The following INSYN2A variants were observed in gnomAD, a reference collection of about 807,000 sequenced individuals.
The protein encoded by INSYN2A is family with sequence similarity 196 member A.
In INSYN2A, 17 loss-of-function variants were observed where a neutral mutation model predicts 39.4. That is an observed-to-expected ratio of 0.43 (90% CI 0.30 to 0.65). The LOEUF (loss-of-function observed/expected upper bound fraction) is 0.65, where lower values mean the gene tolerates loss of function less well. Ranked by LOEUF, INSYN2A falls within the 30% of genes least tolerant of loss-of-function variation. The pLI, the probability that INSYN2A is intolerant of heterozygous loss-of-function variation, is 0.14. For missense variants in INSYN2A, 595 were observed against 631.2 expected (o/e 0.94, Z 0.61); for synonymous variants, 255 against 265.7 (o/e 0.96, Z 0.39).
At chr10:127,169,749 C>T (rs1370285139) in intron 4 of INSYN2A, among the ~76,000 whole-genome samples, 2 of 152,122 alleles carry the variant, frequency 1.3e-5, no homozygotes, top group East Asian at 3.9e-4. Context: ...GACCCTGAGC[C>T]CCTGCAGTAA....
Position 127,175,145 on chromosome 10 carries a change from G to C in INSYN2A, c.1184+67C>G, listed in dbSNP as rs769451942. ...TAGTCTCATTACAGACTTGGGTTTGGGGCTACAGATGGACTCTGTGGTGAT... is the reference window on the plus strand; with the variant it reads ...TAGTCTCATTACAGACTTGGGTTTGCGGCTACAGATGGACTCTGTGGTGAT... On this transcript the variant is annotated intron_variant, in intron 4 of 5. Transcript: ENST00000522781. The surrounding 1 kb of genome is among the most constrained non-coding windows in gnomAD (Gnocchi z 6.3). 31 of 1,364,144 alleles carry C rather than the reference G, an allele frequency of 2.3e-5. No homozygotes were observed. The highest frequency in any genetic ancestry group is 3.2e-5 in the Non-Finnish European group (31 of 981,782). 84.5% of individuals were successfully genotyped at this position (1,364,144 alleles called of 1,614,324 possible).
At chr10:127,181,614 C>T in intron 2 of INSYN2A, among the ~76,000 whole-genome samples, 1 of 152,146 alleles carries the variant, frequency 6.6e-6, no homozygotes, top group East Asian at 1.9e-4. Context: ...ACCTTGGAGT[C>T]AAAGATGCTG....
At chr10:127,153,489 G>A (rs1006680274) in intron 5 of INSYN2A, among the ~76,000 whole-genome samples, 2 of 152,102 alleles carry the variant, frequency 1.3e-5, no homozygotes, top group Admixed American at 6.5e-5. Flanking sequence ...TAGCACATAC[G>A]GTGTGCTTTC....
At chr10:127,170,155 T>G (rs772146446) in intron 4 of INSYN2A, among the ~76,000 whole-genome samples, 2 of 152,124 alleles carry the variant, frequency 1.3e-5, no homozygotes, top group Non-Finnish European at 2.9e-5. Context: ...GATAAATGAC[T>G]GGGTTTGCCA....
At position 127,148,350 on chromosome 10, in the gene INSYN2A, A is replaced by G. The variant is rs556046358; in HGVS notation, c.1256+5502T>C. ...TGCAACTGATGGTAGGAATTCTACC[A>G]CTTGACGAGAAGATTCTAAATTCTG... is the stretch of plus-strand genomic sequence containing the variant. On this transcript the variant is annotated intron_variant, in intron 5 of 5. Coordinates refer to ENST00000522781, the MANE Select transcript of INSYN2A (RefSeq NM_001039762.3). Among the ~76,000 whole-genome samples the G allele has an allele frequency of 2.6e-5, 4 of 152,338 alleles. No individual in the cohort carries two copies. In the South Asian group the frequency reaches 8.3e-4, roughly 32 times the overall value.
intron 2 of INSYN2A, among the ~76,000 whole-genome samples, chr10:127,181,094 A>T (rs1023696385): frequency 6.6e-6 from 1 of 152,192 alleles, no homozygotes; most frequent in Non-Finnish European, 1.5e-5. Context: ...GGCTATAAGT[A>T]ATTTGTCAAA....
In INSYN2A at chr10:127,153,875, C is replaced by T; in HGVS notation, c.1233G>A (p.Arg411=). ...GQDTANCDTC[R]NSACIIYSVE... ...ACCTATAGATAATACATGCACTGTTCCTGCATGTGTCACAATTAGCTGTGT... is the reference window on the plus strand; with the variant it reads ...ACCTATAGATAATACATGCACTGTTTCTGCATGTGTCACAATTAGCTGTGT... The change falls in exon 5 of 6, where the codon AGG becomes AGA. Residue 411 remains arginine, a synonymous_variant. Coordinates refer to ENST00000522781, the MANE Select transcript of INSYN2A (RefSeq NM_001039762.3). 6.2e-7 allele frequency: 1 copy of T among 1,612,656 alleles called. No individual in the cohort carries two copies. Among genetic ancestry groups the T allele is most frequent in the Non-Finnish European group, 8.5e-7 (1 of 1,178,708 alleles).
In INSYN2A at chr10:127,153,901, C is replaced by T; in HGVS notation, c.1207G>A (p.Asp403Asn). The T allele has an allele frequency of 1.2e-6, 2 of 1,613,998 alleles. No homozygotes were observed. The highest frequency in any genetic ancestry group is 1.7e-6 in the Non-Finnish European group (2 of 1,179,882). ...REGLSYRTGQ[D>N]TANCDTCRNS... ...CTGCATGTGTCACAATTAGCTGTGT[C>T]TTGCCCCGTCCGATATGAAAGCCTA... Residue 403 changes from aspartate to asparagine, a missense_variant, in exon 5 of 6, where the codon GAC (aspartate) becomes AAC (asparagine). By Grantham distance (23) the Asp-to-Asn change is conservative (BLOSUM62 1). This residue lies in a region of INSYN2A where 117 missense variants were observed against 163.8 expected (regional missense o/e 0.71). Coordinates refer to ENST00000522781, the MANE Select transcript of INSYN2A (RefSeq NM_001039762.3).
chr10:127,140,445 G>GC (rs2051119639), intron 5 of INSYN2A, among the ~76,000 whole-genome samples: 1 of 152,096 alleles, frequency 6.6e-6, no homozygotes, highest in South Asian at 2.1e-4. Flanking sequence ...CCTGAGGTCC[G>GC]CCCCCCAGCC....
At chr10:127,187,175 A>T (rs990779437) in intron 2 of INSYN2A, among the ~76,000 whole-genome samples, 9 of 152,212 alleles carry the variant, frequency 5.9e-5, no homozygotes, top group African/African-American at 1.7e-4. Flanking sequence ...TGTTAAACTC[A>T]ATGAAGAGTC....
At chr10:127,155,561 C>A (rs746704889) in intron 4 of INSYN2A, among the ~76,000 whole-genome samples, 1 of 152,142 alleles carries the variant, frequency 6.6e-6, no homozygotes, top group Non-Finnish European at 1.5e-5. Flanking sequence ...GATGAACAGC[C>A]TGTGCCTTAT....
At chr10:127,157,577 A>G (rs1355944092) in intron 4 of INSYN2A, among the ~76,000 whole-genome samples, 5 of 152,176 alleles carry the variant, frequency 3.3e-5, no homozygotes, top group East Asian at 3.8e-4. Flanking sequence ...CAATTCACCA[A>G]TTCCTGAGAA....
At position 127,175,104 on chromosome 10, in the gene INSYN2A, A is replaced by G. The variant is rs1399671271; in HGVS notation, c.1184+108T>C. On this transcript the variant is annotated intron_variant, in intron 4 of 5. Transcript: ENST00000522781. This position sits in a 1 kb window ranked among gnomAD's most constrained non-coding sequence, Gnocchi z 6.3. ...CACGCCCTTAGACTATGACCTGTTT[A>G]CGGAAATGCTGGCTTTAGTCTCATT... 4.2e-6 allele frequency: 4 copies of G among 962,618 alleles called. No homozygotes were observed. The highest frequency in any genetic ancestry group is 2.2e-5 in the Admixed American group (1 of 44,658). 59.6% of individuals were successfully genotyped at this position (962,618 alleles called of 1,614,324 possible).
intron 4 of INSYN2A, among the ~76,000 whole-genome samples, chr10:127,161,954 T>A (rs1488222181): frequency 1.3e-5 from 2 of 152,242 alleles, no homozygotes; most frequent in Non-Finnish European, 2.9e-5. Flanking sequence ...TCCTGACAGT[T>A]AAGTAAAACT....
chr10:127,142,583 G>A (rs1301229992), intron 5 of INSYN2A, among the ~76,000 whole-genome samples: 2 of 152,186 alleles, frequency 1.3e-5, no homozygotes, highest in South Asian at 2.1e-4. Flanking sequence ...AAACACCTGA[G>A]TCAAACACAG....
chr10:127,172,821 C>T (rs749870619), intron 4 of INSYN2A, among the ~76,000 whole-genome samples: 12 of 152,178 alleles, frequency 7.9e-5, no homozygotes, highest in Non-Finnish European at 1.3e-4. Context: ...GAACCAGGCA[C>T]TGTGCCATGT....
At chr10:127,154,734 G>A (rs187054770) in intron 4 of INSYN2A, among the ~76,000 whole-genome samples, 322 of 152,264 alleles carry the variant, frequency 2.1e-3, no homozygotes, top group Non-Finnish European at 4.0e-3. Context: ...TTTGGCCTTT[G>A]TAGGGGAGGT....
At chr10:127,161,717 C>G (rs1453785658) in intron 4 of INSYN2A, among the ~76,000 whole-genome samples, 1 of 152,162 alleles carries the variant, frequency 6.6e-6, no homozygotes, top group African/African-American at 2.4e-5. Flanking sequence ...CCCCACTCTC[C>G]TCGCCTCTGC....
rs1264710157 is a variant in INSYN2A at position 127,176,756 on chromosome 10, CCTT to C, written c.-6+118_-6+120del. 1 of 186,694 alleles carries C rather than the reference CCTT, an allele frequency of 5.4e-6. No homozygotes were observed. The highest frequency in any genetic ancestry group is 1.1e-5 in the Non-Finnish European group (1 of 90,616). 11.6% of individuals were successfully genotyped at this position (186,694 alleles called of 1,614,324 possible). ...ATTATCTTTTCACACGCGTGACTCC[CCTT>C]CTTAGGCAGATGGTTTACCAAGTGC... On this transcript the variant is annotated intron_variant, in intron 3 of 5. Coordinates refer to ENST00000522781, the MANE Select transcript of INSYN2A (RefSeq NM_001039762.3). The surrounding 1 kb of genome is among the most constrained non-coding windows in gnomAD (Gnocchi z 4.4).
Sources: allele counts gnomAD v4.1 joint callset (sites outside exome capture counted in the v4.1 genomes callset), GRCh38; gene constraint gnomAD v4.1.1; regional missense constraint gnomAD v4.1.1; non-coding constraint Gnocchi (gnomAD v3.1); transcripts MANE v1.5; gene names NCBI Gene and HGNC (gene_info 2026-07-23, HGNC 2026-07-21).